POTEJ: variants seen among roughly 807,000 people sequenced by gnomAD.
POTEJ encodes the protein POTE ankyrin domain family member J, also known as POTE ankyrin domain family, member J.
POTEJ carries 11 observed loss-of-function variants against 69.0 expected under a neutral mutation model. That is an observed-to-expected ratio of 0.16 (90% CI 0.10 to 0.26). The LOEUF is 0.26. Ranked by LOEUF, POTEJ falls within the 10% of genes least tolerant of loss-of-function variation. The probability of loss-of-function intolerance (pLI) is 1.00; values close to 1 mark genes in which losing one functional copy is unlikely to be tolerated. For synonymous variants in POTEJ, 117 were observed against 381.1 expected (o/e 0.31, Z 8.07); for missense variants, 327 against 1,045.5 (o/e 0.31, Z 9.48).
chr2:130,637,668 A>C (rs531099890), intron 9 of POTEJ, among the ~76,000 whole-genome samples: 288 of 152,244 alleles, frequency 1.9e-3, no homozygotes, highest in African/African-American at 6.4e-3. Flanking sequence ...TGTTGTGTAC[A>C]AAATATATTG....
intron 7 of POTEJ, among the ~76,000 whole-genome samples, chr2:130,630,924 A>C (rs1466555181): frequency 2.1e-5 from 3 of 143,756 alleles, no homozygotes; most frequent in African/African-American, 5.5e-5. Context: ...CTAATAATTT[A>C]AATGGTGCCT....
At chr2:130,618,531 G>A (rs1313629626) in intron 3 of POTEJ, among the ~76,000 whole-genome samples, 3 of 148,140 alleles carry the variant, frequency 2.0e-5, no homozygotes, top group Non-Finnish European at 4.4e-5. Context: ...TTGAGCTCAG[G>A]AGTTCGAGTC....
At chr2:130,634,072 C>T (rs1184820074) in intron 9 of POTEJ, among the ~76,000 whole-genome samples, 1 of 152,080 alleles carries the variant, frequency 6.6e-6, no homozygotes, top group African/African-American at 2.4e-5. Context: ...ACATCACACC[C>T]AGCTAATTGA....
intron 10 of POTEJ, among the ~76,000 whole-genome samples, chr2:130,641,729 A>G (rs1453067847): frequency 2.0e-5 from 3 of 151,964 alleles, no homozygotes; most frequent in Admixed American, 2.0e-4. Context: ...ATGCATGTTT[A>G]ATGGAATATT....
intron 14 of POTEJ, among the ~76,000 whole-genome samples, chr2:130,656,126 G>C (rs1686977611): frequency 6.9e-6 from 1 of 145,612 alleles, no homozygotes; most frequent in African/African-American, 2.6e-5. Context: ...TCTTAGGATG[G>C]TGTGGTTGAT....
chr2:130,651,901 C>G (rs1239400146), intron 13 of POTEJ, among the ~76,000 whole-genome samples: 1 of 143,540 alleles, frequency 7.0e-6, no homozygotes, highest in South Asian at 2.2e-4. Context: ...TGTTTTCAAA[C>G]AAAATCATAA....
At chr2:130,637,472 T>G (rs1686138905) in intron 9 of POTEJ, among the ~76,000 whole-genome samples, 2 of 150,818 alleles carry the variant, frequency 1.3e-5, no homozygotes, top group Non-Finnish European at 3.0e-5. Flanking sequence ...CACAAATTTT[T>G]GAAGCATTCT....
chr2:130,657,106 G>T lies in POTEJ; in HGVS notation c.2346G>T (p.Met782Ile). 1.3e-6 allele frequency: 2 copies of T among 1,574,132 alleles called. No homozygotes were observed. Among genetic ancestry groups the T allele is most frequent in the Non-Finnish European group, 1.7e-6 (2 of 1,152,700 alleles). ...ACCCCAAGGCCAACCGCGAGAAGATGACCCAGATCATGTTTGAGACCTTCA... is the reference window on the plus strand; with the variant it reads ...ACCCCAAGGCCAACCGCGAGAAGATTACCCAGATCATGTTTGAGACCTTCA... ...PLNPKANREK[M>I]TQIMFETFNT... Residue 782 changes from methionine (M) to isoleucine (I), a missense_variant, in exon 15 of 15, where the codon ATG (methionine) becomes ATT (isoleucine). Physicochemically the swap from Met to Ile is conservative, Grantham distance 10 (BLOSUM62 1). Coordinates refer to ENST00000409602, the MANE Select transcript of POTEJ (RefSeq NM_001277083.2).
At chr2:130,636,093 A>G (rs1185258588) in intron 9 of POTEJ, among the ~76,000 whole-genome samples, 1 of 145,248 alleles carries the variant, frequency 6.9e-6, no homozygotes, top group Non-Finnish European at 1.5e-5. Flanking sequence ...CCTAGTGCTT[A>G]AAGACTCCAG....
intron 10 of POTEJ, among the ~76,000 whole-genome samples, chr2:130,640,773 TA>T (rs1473806788): frequency 6.6e-6 from 1 of 152,186 alleles, no homozygotes; most frequent in African/African-American, 2.4e-5. Context: ...CTGATTAGCT[TA>T]GAATAAACAT....
At chr2:130,631,270 T>G (rs1377467371) in intron 7 of POTEJ, 139 bp from the exon 8 acceptor site, 1 of 175,584 alleles carries the variant, frequency 5.7e-6, no homozygotes, top group African/African-American at 2.8e-5. Context: ...AGTTAAATTT[T>G]AATTTTAATT....
chr2:130,650,011 A>T (rs1686747948), intron 13 of POTEJ, among the ~76,000 whole-genome samples: 1 of 152,260 alleles, frequency 6.6e-6, no homozygotes, highest in South Asian at 2.1e-4. Context: ...GAAAATGAAA[A>T]AAAAGAGAGA....
intron 6 of POTEJ, among the ~76,000 whole-genome samples, chr2:130,626,730 T>A (rs1685721563): frequency 1.3e-5 from 2 of 152,286 alleles, no homozygotes; most frequent in Admixed American, 6.5e-5. Context: ...TTGTCATACA[T>A]CCTTGGAGTA....
chr2:130,612,709 G>A (rs1291820458), intron 1 of POTEJ, among the ~76,000 whole-genome samples: 1 of 123,652 alleles, frequency 8.1e-6, no homozygotes, highest in Non-Finnish European at 1.6e-5. Context: ...CTTGCAGTGA[G>A]CCAAGATAGT....
chr2:130,648,784 T>G (rs1686689230), intron 13 of POTEJ, among the ~76,000 whole-genome samples: 3 of 67,444 alleles, frequency 4.4e-5, no homozygotes, highest in African/African-American at 7.9e-5. Context: ...TCTCATAGTT[T>G]TTTTTTTTTT....
chr2:130,641,313 T>TCA (rs2105242062), intron 10 of POTEJ, among the ~76,000 whole-genome samples: 1 of 152,068 alleles, frequency 6.6e-6, no homozygotes, highest in South Asian at 2.1e-4. Flanking sequence ...ATTATAAGGT[T>TCA]TTCACCCGTC....
intron 7 of POTEJ, among the ~76,000 whole-genome samples, chr2:130,630,589 C>T (rs201759828): frequency 0.021 from 2,605 of 122,744 alleles, 90 homozygotes; most frequent in South Asian, 0.035. Context: ...GCCTTATGGT[C>T]TCTCATTGAC....
At chr2:130,650,382 C>T (rs1193072451) in intron 13 of POTEJ, among the ~76,000 whole-genome samples, 5 of 152,180 alleles carry the variant, frequency 3.3e-5, no homozygotes, top group Non-Finnish European at 4.4e-5. Context: ...TGTATTTTGC[C>T]GTATCTGTCT....
intron 8 of POTEJ, among the ~76,000 whole-genome samples, chr2:130,632,166 G>A (rs1243401712): frequency 1.3e-5 from 2 of 150,966 alleles, no homozygotes; most frequent in South Asian, 2.1e-4. Context: ...GAGTCAAATG[G>A]GGTAAATACA....
Sources: gnomAD v4.1 joint callset for allele counts (sites outside exome capture counted in the v4.1 genomes callset) on GRCh38, gnomAD v4.1.1 for gene constraint, MANE v1.5 for transcripts, NCBI Gene and HGNC (gene_info 2026-07-23, HGNC 2026-07-21) for gene names.